The following SRPK2 variants were observed in gnomAD, a reference collection of about 807,000 sequenced individuals.
SRPK2 encodes the protein SFRS protein kinase 2.
Under a neutral mutation model 90.8 loss-of-function variants are expected in SRPK2, and 21 were observed. The ratio of observed to expected loss-of-function variants is 0.23; its 90% CI spans 0.16 to 0.33. SRPK2 has a LOEUF of 0.33. SRPK2 is among the 10% of genes least tolerant of loss of function. The pLI is 1.00. For missense variants in SRPK2, 620 were observed against 869.0 expected (o/e 0.71, Z 3.60); for synonymous variants, 288 against 311.1 (o/e 0.93, Z 0.78).
intron 3 of SRPK2, among the ~76,000 whole-genome samples, chr7:105,173,794 G>T (rs28735611): frequency 7.2e-5 from 11 of 152,136 alleles, no homozygotes; most frequent in South Asian, 2.1e-4. Context: ...ATTAGGCAGG[G>T]TGCCAGAAAG....
At chr7:105,392,768 G>A (rs141023062), upstream of SRPK2, among the ~76,000 whole-genome samples, 85 of 151,648 alleles carry the variant, frequency 5.6e-4, 1 homozygote, top group African/African-American at 1.8e-3. Flanking sequence ...TAAGTGCTGG[G>A]ATTACAGGTG....
chr7:105,387,517 T>C (rs899796370), intron 2 of SRPK2, among the ~76,000 whole-genome samples: 260 of 151,838 alleles, frequency 1.7e-3, no homozygotes, highest in African/African-American at 6.0e-3. Flanking sequence ...TTTCTTTTTT[T>C]TTTTTTTTTA....
At chr7:105,166,244 A>G (rs1218483042) in intron 6 of SRPK2, among the ~76,000 whole-genome samples, 1 of 152,238 alleles carries the variant, frequency 6.6e-6, no homozygotes. Context: ...CTGAACAACT[A>G]AAGTAAGTGA....
At chr7:105,299,786 T>G (rs9641348) in intron 2 of SRPK2, among the ~76,000 whole-genome samples, 1 of 151,726 alleles carries the variant, frequency 6.6e-6, no homozygotes, top group East Asian at 2.0e-4. Flanking sequence ...CTCAGCTACC[T>G]GGGAGGCTGA....
At chr7:105,195,906 T>G (rs1341218701) in intron 3 of SRPK2, among the ~76,000 whole-genome samples, 1 of 152,216 alleles carries the variant, frequency 6.6e-6, no homozygotes, top group Non-Finnish European at 1.5e-5. Flanking sequence ...GGCTCTGCCC[T>G]TAAGTAGCTG....
intron 2 of SRPK2, among the ~76,000 whole-genome samples, chr7:105,260,518 C>A (rs1367930044): frequency 6.6e-6 from 1 of 152,194 alleles, no homozygotes; most frequent in Non-Finnish European, 1.5e-5. Flanking sequence ...TTTGACCCAG[C>A]AATCCCATTA....
intron 2 of SRPK2, among the ~76,000 whole-genome samples, chr7:105,292,497 CAA>C (rs397889533): frequency 0.15 from 10,688 of 72,810 alleles, 381 homozygotes; most frequent in East Asian, 0.42. Context: ...GTAAGACTCT[CAA>C]AAAAAAAAAA....
intron 2 of SRPK2, among the ~76,000 whole-genome samples, chr7:105,368,017 C>T (rs1307901353): frequency 2.0e-5 from 3 of 152,072 alleles, no homozygotes; most frequent in African/African-American, 7.2e-5. Context: ...AGTACAGTTA[C>T]AAAGCTTAGA....
chr7:105,269,456 C>G (rs1805532015), intron 2 of SRPK2, among the ~76,000 whole-genome samples: 1 of 152,198 alleles, frequency 6.6e-6, no homozygotes, highest in African/African-American at 2.4e-5. Flanking sequence ...GTGTTCCTAA[C>G]TCCTCTAGAA....
intron 2 of SRPK2, among the ~76,000 whole-genome samples, chr7:105,343,264 T>C (rs903588290): frequency 4.6e-5 from 7 of 151,994 alleles, no homozygotes; most frequent in African/African-American, 1.4e-4. Flanking sequence ...TGAAACCCCA[T>C]CTTTACAAAA....
At chr7:105,182,182 G>T (rs1402006641) in intron 3 of SRPK2, among the ~76,000 whole-genome samples, 9 of 129,178 alleles carry the variant, frequency 7.0e-5, no homozygotes, top group Admixed American at 1.9e-4. Flanking sequence ...AGTGAGCCAA[G>T]ATCACACCAC....
intron 3 of SRPK2, among the ~76,000 whole-genome samples, chr7:105,172,882 G>A (rs1410683374): frequency 1.3e-5 from 2 of 152,134 alleles, no homozygotes; most frequent in African/African-American, 4.8e-5. Flanking sequence ...AAAGAAACCT[G>A]TATCACTAGT....
At chr7:105,299,792 G>T (rs9641349) in intron 2 of SRPK2, among the ~76,000 whole-genome samples, 7,853 of 152,212 alleles carry the variant, frequency 0.052, 303 homozygotes, top group East Asian at 0.15. Flanking sequence ...TACCTGGGAG[G>T]CTGAGGCAGG....
intron 2 of SRPK2, among the ~76,000 whole-genome samples, chr7:105,358,851 AT>A (rs1818098555): frequency 6.6e-6 from 1 of 152,124 alleles, no homozygotes; most frequent in African/African-American, 2.4e-5. Flanking sequence ...TACAACAAGC[AT>A]GGCACCAGCA....
At chr7:105,166,415 G>A (rs1790073806) in intron 6 of SRPK2, among the ~76,000 whole-genome samples, 1 of 152,152 alleles carries the variant, frequency 6.6e-6, no homozygotes, top group Admixed American at 6.6e-5. Flanking sequence ...GAGTTTTAAG[G>A]TTATGTTTAA....
At chr7:105,317,192 T>C (rs1051771266) in intron 2 of SRPK2, among the ~76,000 whole-genome samples, 1 of 152,192 alleles carries the variant, frequency 6.6e-6, no homozygotes, top group Admixed American at 6.5e-5. Context: ...ACTGACGACA[T>C]AAAAAGAATG....
intron 2 of SRPK2, among the ~76,000 whole-genome samples, chr7:105,350,642 A>T (rs1365980291): frequency 6.7e-6 from 1 of 149,864 alleles, no homozygotes; most frequent in Non-Finnish European, 1.5e-5. Context: ...CTCCTGCCTC[A>T]GCCTCCCAGG....
At chr7:105,149,650 G>C (rs1269918073) in intron 7 of SRPK2, among the ~76,000 whole-genome samples, 1 of 152,134 alleles carries the variant, frequency 6.6e-6, no homozygotes, top group South Asian at 2.1e-4. Context: ...GTGTGGAGGG[G>C]CAGGCCACTC....
At chr7:105,367,776 G>T (rs1281790976) in intron 2 of SRPK2, among the ~76,000 whole-genome samples, 1 of 152,068 alleles carries the variant, frequency 6.6e-6, no homozygotes, top group Non-Finnish European at 1.5e-5. Flanking sequence ...ATTTCATGTT[G>T]GTAAATGATA....
Sources: gnomAD v4.1 joint callset for allele counts (sites outside exome capture counted in the v4.1 genomes callset) on GRCh38, gnomAD v4.1.1 for gene constraint, MANE v1.5 for transcripts, NCBI Gene and HGNC (gene_info 2026-07-23, HGNC 2026-07-21) for gene names.